ZC3H12B: variants seen among roughly 807,000 people sequenced by gnomAD.
ZC3H12B encodes zinc finger CCCH-type containing 12B.
A neutral mutation model predicts 43.9 loss-of-function variants in ZC3H12B; 7 were observed. The observed-to-expected ratio is 0.16, with a 90% CI of 0.09 to 0.30. ZC3H12B has a LOEUF of 0.30. ZC3H12B is among the 10% of genes least tolerant of loss of function. The probability of loss-of-function intolerance (pLI) is 1.00; values close to 1 mark genes in which losing one functional copy is unlikely to be tolerated. For missense variants in ZC3H12B, 475 were observed against 670.2 expected (o/e 0.71, Z 3.22); for synonymous variants, 222 against 241.7 (o/e 0.92, Z 0.76).
intron 2 of ZC3H12B, among the ~76,000 whole-genome samples, chrX:65,397,521 G>A (rs1037597511): frequency 1.8e-5 from 2 of 111,165 alleles, no homozygotes; most frequent in African/African-American, 3.3e-5. Flanking sequence ...TGAATATTGG[G>A]CCCCACTGTC....
chrX:65,489,791 T>C (rs1336326985), intron 1 of ZC3H12B, among the ~76,000 whole-genome samples: 2 of 112,083 alleles, frequency 1.8e-5, no homozygotes, highest in South Asian at 3.8e-4. Flanking sequence ...ACTGTTATTA[T>C]ACCAAATTTT....
the ZC3H12B span, among the ~76,000 whole-genome samples, chrX:65,236,819 C>G: frequency 1.8e-5 from 2 of 111,886 alleles, no homozygotes; most frequent in Non-Finnish European, 3.8e-5. Context: ...CTTCCCATTG[C>G]TCATTTTCGT....
chrX:65,480,431 A>C (rs933688268), intron 3 of ZC3H12B, among the ~76,000 whole-genome samples: 2 of 112,622 alleles, frequency 1.8e-5, no homozygotes, highest in Non-Finnish European at 3.7e-5. Flanking sequence ...ATTTTAACCC[A>C]ACTTACCACT....
At chrX:65,398,443 G>T (rs1003190652) in intron 2 of ZC3H12B, 150 bp from the exon 5 acceptor site, 3 of 111,779 alleles carry the variant, frequency 2.7e-5, no homozygotes, top group Non-Finnish European at 3.8e-5. Context: ...ATCCCCATGT[G>T]TCAGGGAAGG....
At chrX:65,236,498 G>A in the ZC3H12B span, among the ~76,000 whole-genome samples, 1 of 111,681 alleles carries the variant, frequency 9.0e-6, no homozygotes, top group Non-Finnish European at 1.9e-5. Context: ...TCTGTAGGTT[G>A]TCTATTCACT....
At chrX:65,107,767 T>C in the ZC3H12B span, among the ~76,000 whole-genome samples, 2 of 111,082 alleles carry the variant, frequency 1.8e-5, no homozygotes, top group African/African-American at 3.3e-5. Flanking sequence ...AAGGACATGT[T>C]TGCCTCCTTT....
the ZC3H12B span, among the ~76,000 whole-genome samples, chrX:65,103,803 A>C: frequency 5.4e-5 from 6 of 111,883 alleles, no homozygotes; most frequent in African/African-American, 1.9e-4. Context: ...TTCCATTTTC[A>C]TGGATAGGAA....
chrX:65,423,864 C>T (rs1027030108), intron 3 of ZC3H12B, among the ~76,000 whole-genome samples: 1 of 111,548 alleles, frequency 9.0e-6, no homozygotes, highest in African/African-American at 3.3e-5. Context: ...TAATTAGATC[C>T]CATTTGTCGA....
the ZC3H12B span, among the ~76,000 whole-genome samples, chrX:65,100,838 C>T: frequency 6.7e-3 from 735 of 110,408 alleles, 9 homozygotes; most frequent in African/African-American, 0.023. Flanking sequence ...ATTGGATCAA[C>T]GAGACAAAAT....
the ZC3H12B span, among the ~76,000 whole-genome samples, chrX:65,243,937 A>G: frequency 8.9e-6 from 1 of 112,050 alleles, no homozygotes; most frequent in Non-Finnish European, 1.9e-5. Context: ...ACTCATTGAG[A>G]CAGAGAGCAG....
the ZC3H12B span, among the ~76,000 whole-genome samples, chrX:65,069,138 A>G: frequency 9.2e-6 from 1 of 109,203 alleles, no homozygotes; most frequent in African/African-American, 3.3e-5. Flanking sequence ...GGTGTTGTAT[A>G]AACTTGTATT....
the ZC3H12B span, among the ~76,000 whole-genome samples, chrX:65,225,007 A>C: frequency 0.24 from 26,657 of 111,152 alleles, 7,701 homozygotes; most frequent in African/African-American, 0.83. Flanking sequence ...TGTCTGACAG[A>C]GTTGAAGACA....
intron 2 of ZC3H12B, among the ~76,000 whole-genome samples, chrX:65,373,565 A>G (rs2066277023): frequency 9.1e-6 from 1 of 109,354 alleles, no homozygotes; most frequent in Admixed American, 1.0e-4. Context: ...GCAGCCATAA[A>G]AAAGGATGAG....
chrX:65,150,081 A>G, the ZC3H12B span, among the ~76,000 whole-genome samples: 1 of 110,369 alleles, frequency 9.1e-6, no homozygotes, highest in Non-Finnish European at 1.9e-5. Flanking sequence ...ATTTTACTCC[A>G]CTACATCTAA....
chrX:65,241,045 C>T, the ZC3H12B span, among the ~76,000 whole-genome samples: 1 of 111,832 alleles, frequency 8.9e-6, no homozygotes, highest in Non-Finnish European at 1.9e-5. Context: ...TAGAGGCCCA[C>T]TTAAGGAAGC....
chrX:65,407,725 G>C (rs2066850150), intron 3 of ZC3H12B, among the ~76,000 whole-genome samples: 1 of 113,700 alleles, frequency 8.8e-6, no homozygotes, highest in African/African-American at 3.2e-5. Context: ...AGTGCGGTCG[G>C]AGTCACCGCG....
chrX:65,213,860 A>T, the ZC3H12B span, among the ~76,000 whole-genome samples: 2 of 108,279 alleles, frequency 1.8e-5, no homozygotes, highest in Non-Finnish European at 3.8e-5. Flanking sequence ...ACTATAAAGT[A>T]AATCATTTGA....
intron 2 of ZC3H12B, among the ~76,000 whole-genome samples, chrX:65,371,559 T>C: frequency 8.9e-6 from 1 of 111,881 alleles, no homozygotes; most frequent in African/African-American, 3.2e-5. Context: ...TATGAACAGG[T>C]AAGAATACTT....
the ZC3H12B span, among the ~76,000 whole-genome samples, chrX:65,348,097 T>G: frequency 5.5e-4 from 52 of 93,833 alleles, no homozygotes; most frequent in African/African-American, 1.4e-3. Context: ...GTGGGGGGAG[T>G]GGGGGGATAG....
Sources: allele counts gnomAD v4.1 joint callset (sites outside exome capture counted in the v4.1 genomes callset), GRCh38; gene constraint gnomAD v4.1.1; transcripts MANE v1.5; gene names NCBI Gene and HGNC (gene_info 2026-07-23, HGNC 2026-07-21).